Variants in PTBP1 observed in about 807,000 individuals in gnomAD.
The protein encoded by PTBP1 is polypyrimidine tract binding protein 1.
PTBP1 carries 8 observed loss-of-function variants against 59.8 expected under a neutral mutation model. The observed-to-expected ratio is 0.13, with a 90% confidence interval of 0.08 to 0.24. The LOEUF (loss-of-function observed/expected upper bound fraction) is 0.24, where lower values mean the gene tolerates loss of function less well. PTBP1 is among the 10% of genes least tolerant of loss of function. The probability of loss-of-function intolerance (pLI) is 1.00; values close to 1 mark genes in which losing one functional copy is unlikely to be tolerated. For missense variants in PTBP1, 686 were observed against 767.0 expected (o/e 0.89, Z 1.25); for synonymous variants, 490 against 320.7 (o/e 1.53, Z -5.64).
Position 803,579 on chromosome 19 carries a change from T to A in PTBP1, c.58T>A (p.Phe20Ile), listed in dbSNP as rs1424323786. Residue 20 changes from phenylalanine to isoleucine, a missense_variant, in exon 3 of 15, where the codon TTC becomes ATC. Physicochemically the swap from Phe to Ile is conservative, Grantham distance 21 (BLOSUM62 0). Transcript: ENST00000356948. ...VGTKRGSDELFSTCVTNGPFI... is the reference protein window; with the variant it reads ...VGTKRGSDELISTCVTNGPFI... ...CTTGCAGCGGGGATCTGACGAGCTT[T>A]TCTCTACTTGTGTCACTAACGGACC... 6.2e-7 allele frequency: 1 copy of A among 1,614,108 alleles called. No homozygotes were observed. The highest frequency in any genetic ancestry group is 2.2e-5 in the East Asian group (1 of 44,878).
At chr19:798,746 C>A (rs1463960349) in intron 1 of PTBP1, among the ~76,000 whole-genome samples, 1 of 152,240 alleles carries the variant, frequency 6.6e-6, no homozygotes, top group Non-Finnish European at 1.5e-5. Context: ...TGGGTCAGGA[C>A]CTGGCCGGGG....
Position 808,274 on chromosome 19 carries a change from TGTG to T in PTBP1, c.1154-84_1154-82del. ...AACCCGGCCGGGCTGAGCCGGGCCT[TGTG>T]GGGGTGCGCGGGGCCGGGGCTGACG... On this transcript the variant is annotated intron_variant, in intron 11 of 14. Coordinates refer to ENST00000356948, the MANE Select transcript of PTBP1 (RefSeq NM_002819.5). This position sits in a 1 kb window ranked among gnomAD's most constrained non-coding sequence, Gnocchi z 4.7. 9.1e-7 allele frequency: 1 copy of T among 1,104,954 alleles called. No individual in the cohort carries two copies. Among genetic ancestry groups the T allele is most frequent in the Non-Finnish European group, 1.3e-6 (1 of 746,530 alleles). 68.4% of individuals were successfully genotyped at this position (1,104,954 alleles called of 1,614,324 possible).
At chr19:797,810 C>T (rs2034138840) in intron 1 of PTBP1, among the ~76,000 whole-genome samples, 1 of 148,682 alleles carries the variant, frequency 6.7e-6, no homozygotes, top group Non-Finnish European at 1.5e-5. Context: ...CTTTGCCCCG[C>T]CTCGGCGGCG....
At chr19:800,878 C>T (rs548614369) in intron 2 of PTBP1, among the ~76,000 whole-genome samples, 1 of 152,146 alleles carries the variant, frequency 6.6e-6, no homozygotes, top group Non-Finnish European at 1.5e-5. Context: ...CTAGGGGGCT[C>T]CTGGGCTGGG....
chr19:799,395 C>G lies in PTBP1; in HGVS notation c.9-18C>G. The G allele has an allele frequency of 6.2e-7, 1 of 1,613,642 alleles. No homozygotes were observed. Among genetic ancestry groups the G allele is most frequent in the Non-Finnish European group, 8.5e-7 (1 of 1,179,720 alleles). ...GTGGCCACCAGGCTAACGTTGTCTC[C>G]TTTCTTTCTCTCTACAGCATTGTCC... On this transcript the variant is annotated intron_variant, in intron 1 of 14. Coordinates refer to ENST00000356948, the MANE Select transcript of PTBP1 (RefSeq NM_002819.5).
At position 810,772 on chromosome 19, in the gene PTBP1, C is replaced by T. The variant is rs766759506; in HGVS notation, c.1620C>T (p.His540=). 36 of 1,605,920 alleles carry T rather than the reference C, an allele frequency of 2.2e-5. No homozygotes were observed. Among genetic ancestry groups the T allele is most frequent in the South Asian group, 1.1e-4 (10 of 89,658 alleles). Residue 540 remains histidine, a synonymous_variant, in exon 15 of 15, where the codon CAC becomes CAT. Coordinates refer to ENST00000356948, the MANE Select transcript of PTBP1 (RefSeq NM_002819.5). ...AVQALIDLHN[H]DLGENHHLRV... is the part of the protein sequence containing the mutation. The stretch of plus-strand genomic sequence containing the variant: ...AGGCCCTCATTGACCTGCACAACCA[C>T]GACCTCGGGGAGAACCACCACCTGC...
intron 3 of PTBP1, 113 bp from the exon 4 acceptor site, chr19:803,923 C>A: frequency 1.5e-6 from 2 of 1,290,836 alleles, no homozygotes; most frequent in Non-Finnish European, 1.1e-6. Context: ...ATGCACCCTC[C>A]TGGGGCTCAG....
chr19:804,999 C>T lies in PTBP1; in HGVS notation c.718-14C>T, dbSNP rs765529008. The T allele has an allele frequency of 1.9e-6, 3 of 1,612,972 alleles. No homozygotes were observed. In the African/African-American group the frequency reaches 4.0e-5, roughly 22 times the overall value. Reference sequence around the variant, plus strand: ...CCCTGGCCCGGCGACGTCTCACGGTCCCTCTCCCCTCAGTCGCTGGACGGG... The same window carrying T: ...CCCTGGCCCGGCGACGTCTCACGGTTCCTCTCCCCTCAGTCGCTGGACGGG... On this transcript the variant is annotated splice_polypyrimidine_tract_variant and intron_variant, in intron 7 of 14. Transcript: ENST00000356948.
chr19:806,618 C>T (rs956637900), intron 10 of PTBP1, 62 bp downstream of exon 10: 5 of 1,417,010 alleles, frequency 3.5e-6, no homozygotes, highest in African/African-American at 3.0e-5. Context: ...GGATGTTGTG[C>T]TCGGGCTCGG....
At chr19:802,435 T>G (rs1206305424) in intron 2 of PTBP1, among the ~76,000 whole-genome samples, 4 of 92,122 alleles carry the variant, frequency 4.3e-5, no homozygotes, top group Admixed American at 1.2e-4. Flanking sequence ...GGCATGGGGG[T>G]GTGTGGAGCT....
At chr19:805,438 C>T (rs1426588567) in intron 8 of PTBP1, 54 bp from the exon 9 acceptor site, 5 of 1,532,104 alleles carry the variant, frequency 3.3e-6, no homozygotes, top group Non-Finnish European at 4.5e-6. Flanking sequence ...CAGCACAGCG[C>T]CCGCTCGCGG....
intron 10 of PTBP1, chr19:806,827 T>G: frequency 2.7e-6 from 1 of 366,686 alleles, no homozygotes; most frequent in Non-Finnish European, 4.9e-6. Flanking sequence ...TAAAAATTAC[T>G]TGGAGCTGAG....
At position 808,297 on chromosome 19, in the gene PTBP1, C is replaced by T; in HGVS notation, c.1154-63C>T. ...CTTGTGGGGGTGCGCGGGGCCGGGG[C>T]TGACGGGGAGATGGGCGGGGCAGGC... is the stretch of plus-strand genomic sequence containing the variant. On this transcript the variant is annotated intron_variant, in intron 11 of 14. Coordinates refer to ENST00000356948, the MANE Select transcript of PTBP1 (RefSeq NM_002819.5). The surrounding 1 kb of genome is among the most constrained non-coding windows in gnomAD (Gnocchi z 4.7). 5 of 1,373,226 alleles carry T rather than the reference C, an allele frequency of 3.6e-6. No homozygotes were observed. Among genetic ancestry groups the T allele is most frequent in the Non-Finnish European group, 5.1e-6 (5 of 987,028 alleles). 85.1% of individuals were successfully genotyped at this position (1,373,226 alleles called of 1,614,324 possible). A position where few individuals can be genotyped will look rare whatever the true frequency, so the allele number is the denominator to read the frequency against.
intron 13 of PTBP1, 129 bp from the exon 14 acceptor site, chr19:810,414 T>A (rs984110756): frequency 7.3e-6 from 5 of 681,262 alleles, no homozygotes; most frequent in Non-Finnish European, 1.2e-5. Context: ...ATACCCCATT[T>A]CTGGGCTCCT....
intron 1 of PTBP1, among the ~76,000 whole-genome samples, chr19:798,036 G>C (rs2034154627): frequency 6.6e-6 from 1 of 151,200 alleles, no homozygotes; most frequent in African/African-American, 2.4e-5. Flanking sequence ...GGCGGCCGCC[G>C]GGAGGGAAAG....
At position 808,703 on chromosome 19, in the gene PTBP1, C is replaced by A. The variant is rs372199932; in HGVS notation, c.1404C>A (p.Gly468=). 3.7e-6 allele frequency: 6 copies of A among 1,613,210 alleles called. No homozygotes were observed. The African/African-American group carries it at 6.7e-5, about 18-fold the overall frequency. Residue 468 remains glycine, a synonymous_variant, in exon 13 of 15, where the codon GGC becomes GGA. Coordinates refer to ENST00000356948, the MANE Select transcript of PTBP1 (RefSeq NM_002819.5). This position sits in a 1 kb window ranked among gnomAD's most constrained non-coding sequence, Gnocchi z 4.7. ...CCCTGCACCGCTTCAAGAAGCCGGGCTCCAAGAACTTCCAGAACATATTCC... is the reference window on the plus strand; with the variant it reads ...CCCTGCACCGCTTCAAGAAGCCGGGATCCAAGAACTTCCAGAACATATTCC... ...NSPLHRFKKP[G]SKNFQNIFPP...
At chr19:801,794 G>T (rs546319925) in intron 2 of PTBP1, among the ~76,000 whole-genome samples, 4 of 152,150 alleles carry the variant, frequency 2.6e-5, no homozygotes, top group African/African-American at 4.8e-5. Context: ...TTTTCTGATC[G>T]CGTGGTTTCC....
In PTBP1 at chr19:810,555, C is replaced by A. The variant is rs367970532; in HGVS notation, c.1476C>A (p.Ser492=). Reference sequence around the variant, plus strand: ...TCTCCTCCCACAGGCCCTCAGTCTCCGAGGAGGATCTCAAGGTCCTGTTTT... The same window carrying A: ...TCTCCTCCCACAGGCCCTCAGTCTCAGAGGAGGATCTCAAGGTCCTGTTTT... ...LHLSNIPPSV[S]EEDLKVLFSS... Residue 492 remains serine (S), a synonymous_variant, in exon 14 of 15, where the codon TCC becomes TCA. Transcript: ENST00000356948. The A allele has an allele frequency of 8.1e-6, 13 of 1,613,622 alleles. No homozygotes were observed. Among genetic ancestry groups the A allele is most frequent in the Admixed American group, 5.0e-5 (3 of 59,890 alleles).
chr19:807,062 A>T (rs1211227117), intron 10 of PTBP1: 2 of 152,514 alleles, frequency 1.3e-5, no homozygotes, highest in African/African-American at 4.8e-5. Flanking sequence ...TGGAATCAGC[A>T]TTTCAGGCTG....
Sources: gnomAD v4.1 joint callset for allele counts (sites outside exome capture counted in the v4.1 genomes callset) on GRCh38, gnomAD v4.1.1 for gene constraint, Gnocchi (gnomAD v3.1) non-coding constraint, MANE v1.5 for transcripts, NCBI Gene and HGNC (gene_info 2026-07-23, HGNC 2026-07-21) for gene names.